The following SRPK2 variants were observed in gnomAD, a reference collection of about 807,000 sequenced individuals.
SRPK2 encodes SFRS protein kinase 2.
SRPK2 carries 21 observed loss-of-function variants against 90.8 expected under a neutral mutation model. That is an observed-to-expected ratio of 0.23 (90% CI 0.16 to 0.33). The LOEUF (loss-of-function observed/expected upper bound fraction) is 0.33, where lower values mean the gene tolerates loss of function less well. SRPK2 is among the 10% of genes least tolerant of loss of function. The probability of loss-of-function intolerance (pLI) is 1.00; values close to 1 mark genes in which losing one functional copy is unlikely to be tolerated. For missense variants in SRPK2, 620 were observed against 869.0 expected (o/e 0.71, Z 3.60); for synonymous variants, 288 against 311.1 (o/e 0.93, Z 0.78).
intron 11 of SRPK2, among the ~76,000 whole-genome samples, chr7:105,137,898 T>G (rs182643110): frequency 1.3e-5 from 2 of 152,306 alleles, no homozygotes; most frequent in East Asian, 3.9e-4. Context: ...ACTCTAGGCT[T>G]ATACCCCTTC....
Position 105,339,644 on chromosome 7 carries a change from T to C in SRPK2, c.71+49004A>G, listed in dbSNP as rs117517104. 5.6e-3 allele frequency among the ~76,000 whole-genome samples: 852 copies of C among 152,348 alleles called. 6 individuals are homozygous for C. The highest frequency in any genetic ancestry group is 0.013 in the South Asian group (63 of 4,828). On this transcript the variant is annotated intron_variant, in intron 2 of 15. Transcript: ENST00000393651. ...TACTACTAAAACACTGTTTGCTTTT[T>C]TCATTGATAGTGCAATAGCAAAGGT... is the stretch of plus-strand genomic sequence containing the variant.
chr7:105,241,489 T>G (rs528707851), intron 2 of SRPK2, among the ~76,000 whole-genome samples: 1 of 152,288 alleles, frequency 6.6e-6, no homozygotes, highest in Non-Finnish European at 1.5e-5. Flanking sequence ...ATCTACTTTA[T>G]ATTGACTGTC....
chr7:105,239,953 A>T (rs373532012), intron 2 of SRPK2, among the ~76,000 whole-genome samples: 1 of 152,170 alleles, frequency 6.6e-6, no homozygotes, highest in Non-Finnish European at 1.5e-5. Flanking sequence ...GAAATTCCCT[A>T]TCTCCACTGA....
intron 3 of SRPK2, among the ~76,000 whole-genome samples, chr7:105,201,253 C>T (rs1377282003): frequency 6.6e-6 from 1 of 152,150 alleles, no homozygotes; most frequent in African/African-American, 2.4e-5. Flanking sequence ...GCATCTGTCA[C>T]ATGTAATGCT....
intron 2 of SRPK2, among the ~76,000 whole-genome samples, chr7:105,253,517 C>A (rs528494587): frequency 2.6e-5 from 4 of 152,300 alleles, no homozygotes; most frequent in African/African-American, 9.6e-5. Context: ...TTCCCATCCT[C>A]TCCTCCATCT....
chr7:105,271,399 T>A (rs1805810914), intron 2 of SRPK2, among the ~76,000 whole-genome samples: 1 of 152,188 alleles, frequency 6.6e-6, no homozygotes, highest in African/African-American at 2.4e-5. Context: ...TTTCACCTTA[T>A]CTCTAAACCT....
In SRPK2 at chr7:105,126,420, A is replaced by T; in HGVS notation, c.1823-80T>A. The T allele has an allele frequency of 2.9e-6, 3 of 1,045,204 alleles. No homozygotes were observed. In the South Asian group the frequency reaches 4.0e-5, roughly 14 times the overall value. The allele number at this position is 1,045,204 out of a possible 1,614,324, so 64.7% of individuals were successfully genotyped here. On this transcript the variant is annotated intron_variant, in intron 14 of 15. Transcript: ENST00000393651. The stretch of plus-strand genomic sequence containing the variant: ...GGATAAAAGAAGAGGGAAAAATTGA[A>T]ATTAGTAAAAAATCAGAAATAGATT...
intron 2 of SRPK2, among the ~76,000 whole-genome samples, chr7:105,289,100 CAAAAAAAAAAAA>C (rs57131530): frequency 2.3e-5 from 2 of 86,656 alleles, no homozygotes; most frequent in Non-Finnish European, 4.3e-5. Flanking sequence ...ACTTAAAGCA[CAAAAAAAAAAAA>C]AAAAAAAAAA....
intron 2 of SRPK2, among the ~76,000 whole-genome samples, chr7:105,361,313 T>G (rs1051079173): frequency 2.0e-5 from 3 of 151,990 alleles, no homozygotes; most frequent in Non-Finnish European, 4.4e-5. Context: ...CACTGCTCAA[T>G]GAAATAAAAG....
chr7:105,280,719 G>A (rs1335497667), intron 2 of SRPK2, among the ~76,000 whole-genome samples: 4 of 150,594 alleles, frequency 2.7e-5, no homozygotes, highest in African/African-American at 4.9e-5. Context: ...AGGCCGAGGC[G>A]GGTGGATCAC....
At chr7:105,156,382 G>T (rs1806489562) in intron 7 of SRPK2, among the ~76,000 whole-genome samples, 1 of 152,192 alleles carries the variant, frequency 6.6e-6, no homozygotes, top group Admixed American at 6.5e-5. Flanking sequence ...ACTCAACTAT[G>T]CAAAGTACTC....
At chr7:105,247,563 G>A (rs867385462) in intron 2 of SRPK2, among the ~76,000 whole-genome samples, 7 of 57,458 alleles carry the variant, frequency 1.2e-4, no homozygotes, top group Non-Finnish European at 2.4e-4. Flanking sequence ...CACACACACA[G>A]AAGTTATACC....
intron 2 of SRPK2, among the ~76,000 whole-genome samples, chr7:105,342,996 C>G (rs1171076097): frequency 6.6e-6 from 1 of 152,148 alleles, no homozygotes; most frequent in Non-Finnish European, 1.5e-5. Flanking sequence ...CAAACCTACT[C>G]CCAAGAGGCC....
At chr7:105,280,113 G>A (rs896868371) in intron 2 of SRPK2, among the ~76,000 whole-genome samples, 2 of 152,094 alleles carry the variant, frequency 1.3e-5, no homozygotes, top group South Asian at 2.1e-4. Context: ...CTGATATTGG[G>A]ATGTACAAAG....
chr7:105,257,962 C>T (rs549914031), intron 2 of SRPK2, among the ~76,000 whole-genome samples: 1 of 151,898 alleles, frequency 6.6e-6, no homozygotes, highest in Non-Finnish European at 1.5e-5. Context: ...AAAAAGTTAG[C>T]CAGGCGTGGT....
intron 2 of SRPK2, among the ~76,000 whole-genome samples, chr7:105,361,361 G>C (rs1818401979): frequency 6.6e-6 from 1 of 152,160 alleles, no homozygotes; most frequent in Non-Finnish European, 1.5e-5. Flanking sequence ...CATGCTCATG[G>C]ATAGGAAGAA....
chr7:105,172,041 G>T (rs1585044788), intron 3 of SRPK2, among the ~76,000 whole-genome samples: 1 of 152,036 alleles, frequency 6.6e-6, no homozygotes, highest in African/African-American at 2.4e-5. Context: ...TTACAGGCTT[G>T]CACCACCACA....
chr7:105,383,835 T>A (rs1315973293), intron 2 of SRPK2, among the ~76,000 whole-genome samples: 1 of 152,216 alleles, frequency 6.6e-6, no homozygotes, highest in Admixed American at 6.5e-5. Context: ...TGGATGAACC[T>A]TGAAAACATT....
intron 12 of SRPK2, 41 bp downstream of exon 12, chr7:105,132,963 A>G (rs1169117129): frequency 1.2e-6 from 2 of 1,613,314 alleles, no homozygotes; most frequent in Non-Finnish European, 1.7e-6. Context: ...CTTCGCACAC[A>G]GAATCAAGAC....
Sources: allele counts gnomAD v4.1 joint callset (sites outside exome capture counted in the v4.1 genomes callset), GRCh38; gene constraint gnomAD v4.1.1; transcripts MANE v1.5; gene names NCBI Gene and HGNC (gene_info 2026-07-23, HGNC 2026-07-21).